The following FUT8 variants were observed in gnomAD, a reference collection of about 807,000 sequenced individuals.
FUT8 encodes alpha-(1,6)-fucosyltransferase.
A neutral mutation model predicts 71.3 loss-of-function variants in FUT8; 29 were observed. That is an observed-to-expected ratio of 0.41 (90% CI 0.30 to 0.55). FUT8 has a LOEUF of 0.55. Ranked by LOEUF, FUT8 falls within the 20% of genes least tolerant of loss-of-function variation. FUT8 has a pLI of 0.34. For synonymous variants in FUT8, 254 were observed against 239.3 expected (o/e 1.06, Z -0.57); for missense variants, 544 against 702.1 (o/e 0.77, Z 2.55).
chr14:65,594,005 C>T (rs1033547774), intron 3 of FUT8, among the ~76,000 whole-genome samples: 8 of 152,362 alleles, frequency 5.3e-5, no homozygotes, highest in South Asian at 2.1e-4. Flanking sequence ...CCACTGCTCC[C>T]GGCCTAAGAT....
intron 2 of FUT8, among the ~76,000 whole-genome samples, chr14:65,470,920 C>T (rs1269085042): frequency 1.3e-5 from 2 of 151,958 alleles, no homozygotes; most frequent in Admixed American, 1.3e-4. Context: ...CTCCCTGTGC[C>T]GTCCATGTAC....
intron 10 of FUT8, among the ~76,000 whole-genome samples, chr14:65,740,258 A>G (rs8010876): frequency 0.36 from 54,562 of 151,948 alleles, 12,189 homozygotes; most frequent in Non-Finnish European, 0.5. Context: ...TTGAAATTCT[A>G]TCACTAAAAT....
At chr14:65,386,088 G>A in the FUT8 span, among the ~76,000 whole-genome samples, 1 of 151,878 alleles carries the variant, frequency 6.6e-6, no homozygotes, top group African/African-American at 2.4e-5. Flanking sequence ...GGAGGCGGAG[G>A]TTGCAGTGAG....
intron 3 of FUT8, among the ~76,000 whole-genome samples, chr14:65,613,783 C>A (rs1004560391): frequency 2.0e-5 from 3 of 151,994 alleles, no homozygotes; most frequent in African/African-American, 7.2e-5. Flanking sequence ...GTTAGAGAAG[C>A]TATAAAAAAC....
At chr14:65,671,764 A>G (rs973273700) in intron 7 of FUT8, among the ~76,000 whole-genome samples, 4 of 152,284 alleles carry the variant, frequency 2.6e-5, no homozygotes, top group African/African-American at 9.6e-5. Flanking sequence ...GGCTGCCATC[A>G]ATTTATCTGC....
chr14:65,533,987 T>A (rs565607466), intron 2 of FUT8, among the ~76,000 whole-genome samples: 1 of 152,350 alleles, frequency 6.6e-6, no homozygotes, highest in South Asian at 2.1e-4. Context: ...TACTTGATCA[T>A]GGTGAATTAG....
intron 7 of FUT8, among the ~76,000 whole-genome samples, chr14:65,690,191 T>C (rs1346297535): frequency 6.6e-6 from 1 of 152,226 alleles, no homozygotes; most frequent in Admixed American, 6.5e-5. Context: ...CAGTTGACCA[T>C]CTCTATGTGG....
Position 65,638,018 on chromosome 14 carries a change from G to A in FUT8, c.597+8412G>A, listed in dbSNP as rs769287043. ...TCATGTTAATGACATAATGAGCTTG[G>A]TCAAGTTAACAACATTTAGGTTGAT... On this transcript the variant is annotated intron_variant, in intron 6 of 10. Transcript: ENST00000673929. The surrounding 1 kb of genome is among the most constrained non-coding windows in gnomAD (Gnocchi z 4.5). Among the ~76,000 whole-genome samples the A allele has an allele frequency of 3.0e-4, 45 of 152,166 alleles. No individual in the cohort carries two copies. The highest frequency in any genetic ancestry group is 5.6e-4 in the Non-Finnish European group (38 of 68,036).
upstream of FUT8, among the ~76,000 whole-genome samples, chr14:65,410,383 G>T (rs574152384): frequency 3.3e-5 from 5 of 152,218 alleles, no homozygotes; most frequent in African/African-American, 1.2e-4. Flanking sequence ...AGCCTGCCTT[G>T]GAAAGGGTTT....
intron 2 of FUT8, among the ~76,000 whole-genome samples, chr14:65,528,426 C>T (rs951852933): frequency 2.6e-5 from 4 of 152,130 alleles, no homozygotes; most frequent in Admixed American, 6.5e-5. Context: ...GGGAGTGACC[C>T]GATTTTCCAG....
At chr14:65,710,567 A>G (rs1322181078) in intron 7 of FUT8, among the ~76,000 whole-genome samples, 1 of 152,018 alleles carries the variant, frequency 6.6e-6, no homozygotes, top group Non-Finnish European at 1.5e-5. Context: ...TATCTTTTTG[A>G]TAGCATATTT....
At chr14:65,663,359 A>G (rs1312212074) in intron 6 of FUT8, among the ~76,000 whole-genome samples, 1 of 152,038 alleles carries the variant, frequency 6.6e-6, no homozygotes, top group Admixed American at 6.6e-5. Flanking sequence ...TGTTCATTTC[A>G]GAGTTGTTGC....
intron 3 of FUT8, among the ~76,000 whole-genome samples, chr14:65,591,412 G>C (rs1361180022): frequency 6.6e-6 from 1 of 152,096 alleles, no homozygotes; most frequent in African/African-American, 2.4e-5. Context: ...CAACTCCCTT[G>C]TTCTGACAAG....
chr14:65,671,568 G>A (rs1393120861), intron 7 of FUT8, among the ~76,000 whole-genome samples: 1 of 152,122 alleles, frequency 6.6e-6, no homozygotes, highest in East Asian at 1.9e-4. Flanking sequence ...GTAAACTCAT[G>A]CCAAACACTT....
intron 2 of FUT8, among the ~76,000 whole-genome samples, chr14:65,477,997 C>T (rs569294079): frequency 6.6e-6 from 1 of 152,136 alleles, no homozygotes; most frequent in African/African-American, 2.4e-5. Context: ...GTTATAAACT[C>T]TTTAATCAGA....
At chr14:65,409,845 T>C (rs1000389754), upstream of FUT8, among the ~76,000 whole-genome samples, 2 of 152,258 alleles carry the variant, frequency 1.3e-5, no homozygotes, top group African/African-American at 4.8e-5. The surrounding 1 kb of genome is among the most constrained non-coding windows in gnomAD (Gnocchi z 5.4). Context: ...TCTAATCTTT[T>C]GTTGAACAGA....
chr14:65,562,045 T>A (rs1885942120), intron 3 of FUT8, among the ~76,000 whole-genome samples: 1 of 152,064 alleles, frequency 6.6e-6, no homozygotes, highest in East Asian at 1.9e-4. Context: ...TATTTTTTTT[T>A]AAGCTCATCA....
chr14:65,538,285 C>T (rs1169771577), intron 2 of FUT8, among the ~76,000 whole-genome samples: 4 of 152,142 alleles, frequency 2.6e-5, no homozygotes, highest in East Asian at 1.9e-4. Context: ...CAGAGTGGGT[C>T]GCTCCTTGCC....
intron 7 of FUT8, among the ~76,000 whole-genome samples, chr14:65,718,459 G>A (rs1243086071): frequency 4.0e-5 from 6 of 151,888 alleles, no homozygotes; most frequent in South Asian, 4.2e-4. Context: ...ATTTTTGATC[G>A]GTTCATCTTT....
Sources: allele counts gnomAD v4.1 joint callset (sites outside exome capture counted in the v4.1 genomes callset), GRCh38; gene constraint gnomAD v4.1.1; non-coding constraint Gnocchi (gnomAD v3.1); transcripts MANE v1.5; gene names NCBI Gene and HGNC (gene_info 2026-07-23, HGNC 2026-07-21).